SS18L1: variants seen among roughly 807,000 people sequenced by gnomAD.
SS18L1 encodes SS18L1 subunit of BAF chromatin remodeling complex.
SS18L1 carries 32 observed loss-of-function variants against 70.3 expected under a neutral mutation model. The observed-to-expected ratio is 0.46, with a 90% CI of 0.34 to 0.61. SS18L1 has a LOEUF of 0.61. SS18L1 is among the 20% of genes least tolerant of loss of function. SS18L1 has a pLI of 0.01. For synonymous variants in SS18L1, 237 were observed against 229.7 expected (o/e 1.03, Z -0.29); for missense variants, 430 against 542.1 (o/e 0.79, Z 2.05).
chr20:62,179,717 G>A lies in SS18L1; in HGVS notation c.*509G>A. 1 of 229,196 alleles carries A rather than the reference G, an allele frequency of 4.4e-6. No homozygotes were observed. The highest frequency in any genetic ancestry group is 8.6e-6 in the Non-Finnish European group (1 of 115,770). The allele number at this position is 229,196 out of a possible 1,614,324, so 14.2% of individuals were successfully genotyped here. On this transcript the variant is annotated 3_prime_UTR_variant, in exon 11 of 11. Coordinates refer to ENST00000331758, the MANE Select transcript of SS18L1 (RefSeq NM_198935.3). ...GCAGCCTCTTCCTGTGCCTCGATGG[G>A]GTGGGTGGGAGGGCATCTTCTGTGC...
chr20:62,162,969 C>T (rs1164628333), intron 5 of SS18L1, 38 bp downstream of exon 5: 1 of 1,600,214 alleles, frequency 6.2e-7, no homozygotes, highest in East Asian at 2.3e-5. Context: ...GGGGCCTGGG[C>T]CTGCCTCCAA....
Position 62,181,559 on chromosome 20 carries a change from T to C in SS18L1, c.*2351T>C. ...TACCCCAAAACTTCAATCTGAAATG[T>C]CTTACATTAAGAATATCTTGAATGT... On this transcript the variant is annotated 3_prime_UTR_variant, in exon 11 of 11. Transcript: ENST00000331758. 4.7e-6 allele frequency: 1 copy of C among 213,050 alleles called. No homozygotes were observed. The highest frequency in any genetic ancestry group is 9.5e-6 in the Non-Finnish European group (1 of 105,544). 13.2% of individuals were successfully genotyped at this position (213,050 alleles called of 1,614,324 possible). A position where few individuals can be genotyped will look rare whatever the true frequency, so the allele number is the denominator to read the frequency against.
At chr20:62,175,519 G>A (rs981508228) in intron 10 of SS18L1, 14 of 883,666 alleles carry the variant, frequency 1.6e-5, no homozygotes, top group Non-Finnish European at 1.8e-5. Context: ...AAGGAGGCTC[G>A]GTGGCTGGAG....
At chr20:62,160,447 C>T (rs973700525) in intron 3 of SS18L1, among the ~76,000 whole-genome samples, 2 of 150,074 alleles carry the variant, frequency 1.3e-5, no homozygotes, top group African/African-American at 2.5e-5. Flanking sequence ...GGAGCCTCTC[C>T]GGGTGCTTTG....
chr20:62,164,078 G>T, intron 6 of SS18L1, 67 bp from the exon 7 acceptor site: 1 of 1,448,936 alleles, frequency 6.9e-7, no homozygotes, highest in South Asian at 1.3e-5. Context: ...CTTCCCCAGT[G>T]AGCGAGCAGG....
chr20:62,149,229 G>C (rs575358758), intron 1 of SS18L1, among the ~76,000 whole-genome samples: 1 of 152,262 alleles, frequency 6.6e-6, no homozygotes, highest in Non-Finnish European at 1.5e-5. Context: ...CTGATGGACC[G>C]TAAGGCCTGT....
intron 7 of SS18L1, among the ~76,000 whole-genome samples, chr20:62,164,726 A>T (rs6121930): frequency 6.6e-6 from 1 of 152,094 alleles, no homozygotes; most frequent in African/African-American, 2.4e-5. Context: ...GGCTTGTGGA[A>T]GGGATACTGA....
intron 1 of SS18L1, chr20:62,154,480 C>T: frequency 2.9e-6 from 3 of 1,023,660 alleles, no homozygotes; most frequent in Admixed American, 5.8e-5. Flanking sequence ...GTTCATCTCT[C>T]CTCCAGAGCC....
chr20:62,143,969 G>C, intron 1 of SS18L1, 80 bp downstream of exon 1: 2 of 880,344 alleles, frequency 2.3e-6, no homozygotes, highest in East Asian at 2.4e-4. Context: ...GGCAGCTGGC[G>C]GGCGCGGGGC....
rs1444091960 is a variant in SS18L1 at position 62,158,499 on chromosome 20, A to T, written c.70-173A>T. Among the ~76,000 whole-genome samples the T allele has an allele frequency of 2.6e-5, 4 of 152,188 alleles. No homozygotes were observed. Among genetic ancestry groups the T allele is most frequent in the Non-Finnish European group, 5.9e-5 (4 of 68,026 alleles). On this transcript the variant is annotated intron_variant, in intron 1 of 10. Transcript: ENST00000331758. The surrounding 1 kb of genome is among the most constrained non-coding windows in gnomAD (Gnocchi z 4.5). ...TTCGGGTTTTCGGATTAGGGATGCC[A>T]AACCGGTGGGTCTAATACAGATATC...
At chr20:62,149,725 C>T (rs6121917) in intron 1 of SS18L1, among the ~76,000 whole-genome samples, 3 of 152,342 alleles carry the variant, frequency 2.0e-5, no homozygotes, top group African/African-American at 7.2e-5. Context: ...CAGCTTTAGC[C>T]TTTGATCAGG....
intron 8 of SS18L1, among the ~76,000 whole-genome samples, chr20:62,166,222 C>T (rs117514046): frequency 0.01 from 1,592 of 152,298 alleles, 16 homozygotes; most frequent in Non-Finnish European, 0.017. Context: ...TGCGGGATTG[C>T]GCAACCTCGT....
chr20:62,178,751 GC>G (rs1032008507), intron 10 of SS18L1, among the ~76,000 whole-genome samples: 7 of 152,194 alleles, frequency 4.6e-5, no homozygotes, highest in African/African-American at 1.4e-4. Context: ...TGGCCATGTT[GC>G]CCAGCCTGGG....
intron 8 of SS18L1, among the ~76,000 whole-genome samples, chr20:62,172,260 G>A (rs2057544768): frequency 6.6e-6 from 1 of 151,914 alleles, no homozygotes; most frequent in Admixed American, 6.6e-5. Flanking sequence ...CAGGGAGATG[G>A]AGGCTGCAGT....
At chr20:62,178,952 G>A (rs747764572) in intron 10 of SS18L1, among the ~76,000 whole-genome samples, 3 of 152,218 alleles carry the variant, frequency 2.0e-5, no homozygotes, top group South Asian at 2.1e-4. Flanking sequence ...AGGCCCGGCC[G>A]CAGCGATGCC....
intron 1 of SS18L1, among the ~76,000 whole-genome samples, chr20:62,147,761 G>T (rs2057057264): frequency 6.6e-6 from 1 of 152,030 alleles, no homozygotes; most frequent in South Asian, 2.1e-4. Context: ...CCTTCGTGGG[G>T]TGGGTTAGTG....
chr20:62,157,124 C>T lies in SS18L1; in HGVS notation c.70-1548C>T, dbSNP rs543220066. ...CAGGTGGACACCTTGAAAGAGCCGGCTCTCCTGTGCCTGCTCCCCACGGCC... is the reference window on the plus strand; with the variant it reads ...CAGGTGGACACCTTGAAAGAGCCGGTTCTCCTGTGCCTGCTCCCCACGGCC... On this transcript the variant is annotated intron_variant, in intron 1 of 10. Transcript: ENST00000331758. Among the ~76,000 whole-genome samples the T allele has an allele frequency of 4.6e-4, 70 of 152,308 alleles. 1 individual carries two copies. Among genetic ancestry groups the T allele is most frequent in the African/African-American group, 1.7e-3 (70 of 41,576 alleles).
At chr20:62,148,221 G>T (rs559131984) in intron 1 of SS18L1, among the ~76,000 whole-genome samples, 1 of 152,246 alleles carries the variant, frequency 6.6e-6, no homozygotes, top group Non-Finnish European at 1.5e-5. Context: ...CACCGGCCTT[G>T]CTCGGCCTCC....
intron 8 of SS18L1, among the ~76,000 whole-genome samples, chr20:62,167,332 C>T (rs949899216): frequency 2.7e-5 from 4 of 150,392 alleles, no homozygotes; most frequent in Non-Finnish European, 5.9e-5. Context: ...CGTGAGCCAC[C>T]GCGCCCGGCC....
Sources: gnomAD v4.1 joint callset for allele counts (sites outside exome capture counted in the v4.1 genomes callset) on GRCh38, gnomAD v4.1.1 for gene constraint, Gnocchi (gnomAD v3.1) non-coding constraint, MANE v1.5 for transcripts, NCBI Gene and HGNC (gene_info 2026-07-23, HGNC 2026-07-21) for gene names.